The following ELFN1 variants were observed in gnomAD, a reference collection of about 807,000 sequenced individuals.
ELFN1 encodes the protein extracellular leucine rich repeat and fibronectin type III domain containing 1.
ELFN1 carries 6 observed loss-of-function variants against 7.6 expected under a neutral mutation model. That is an observed-to-expected ratio of 0.79 (90% CI 0.43 to 1.56). The LOEUF is 1.56. Ranked by LOEUF, ELFN1 falls within the 40% of genes most tolerant of loss-of-function variation. ELFN1 has a pLI of 0.01. For synonymous variants in ELFN1, 657 were observed against 588.1 expected (o/e 1.12, Z -1.70); for missense variants, 1,169 against 1,232.2 (o/e 0.95, Z 0.77).
chr7:1,695,785 G>A lies in ELFN1; in HGVS notation c.-456+7635G>A, dbSNP rs1000720954. 6.8e-6 allele frequency among the ~76,000 whole-genome samples: 1 copy of A among 146,490 alleles called. No homozygotes were observed. The highest frequency in any genetic ancestry group is 1.5e-5 in the Non-Finnish European group (1 of 67,028). On this transcript the variant is annotated intron_variant, in intron 2 of 3. Coordinates refer to ENST00000424383, the MANE Select transcript of ELFN1 (RefSeq NM_001128636.4). The surrounding 1 kb of genome is among the most constrained non-coding windows in gnomAD (Gnocchi z 5.1). ...AAAAAAAAAAAAACCGTGCTGGTTT[G>A]GTTTCACTGACTCCCATTCATTTAT...
upstream of ELFN1, among the ~76,000 whole-genome samples, chr7:1,666,989 G>A (rs1778681448): frequency 6.6e-6 from 1 of 152,088 alleles, no homozygotes; most frequent in African/African-American, 2.4e-5. The surrounding 1 kb of genome is among the most constrained non-coding windows in gnomAD (Gnocchi z 7.9). Context: ...GGCGGGGCTG[G>A]GCTGGGCTGG....
chr7:1,730,314 A>C (rs1442223755), intron 3 of ELFN1, among the ~76,000 whole-genome samples: 1 of 152,224 alleles, frequency 6.6e-6, no homozygotes. Context: ...CAGCAGCAAC[A>C]CTGTTTGATG....
rs1348513063 is a variant in ELFN1 at position 1,746,429 on chromosome 7, C to A, written c.1833C>A (p.Phe611Leu). The stretch of plus-strand genomic sequence containing the variant: ...AGCCGCTGGCCGCCAAGCACGGCTT[C>A]CTGGCGCCCGGGTACAAGGACGCCT... The part of the protein sequence containing the change: ...LSEPLAAKHG[F>L]LAPGYKDAFG... The change falls in exon 4 of 4, where the codon TTC (phenylalanine) becomes TTA (leucine). Residue 611 changes from phenylalanine (F) to leucine (L), a missense_variant. Coordinates refer to ENST00000424383, the MANE Select transcript of ELFN1 (RefSeq NM_001128636.4). 1 of 1,532,026 alleles carries A rather than the reference C, an allele frequency of 6.5e-7. No homozygotes were observed. The highest frequency in any genetic ancestry group is 1.2e-5 in the South Asian group (1 of 83,536). The allele number at this position is 1,532,026 out of a possible 1,614,324, so 94.9% of individuals were successfully genotyped here.
chr7:1,742,495 T>C (rs938675957), intron 3 of ELFN1, among the ~76,000 whole-genome samples: 1 of 152,120 alleles, frequency 6.6e-6, no homozygotes, highest in Non-Finnish European at 1.5e-5. Flanking sequence ...GGGGCTGGCG[T>C]GGGTGCGAGC....
In ELFN1 at chr7:1,715,152, C is replaced by T. The variant is rs376379543; in HGVS notation, c.-294+5900C>T. Among the ~76,000 whole-genome samples the T allele has an allele frequency of 2.6e-5, 4 of 152,352 alleles. No individual in the cohort carries two copies. In the South Asian group the frequency reaches 8.3e-4, roughly 32 times the overall value. On this transcript the variant is annotated intron_variant, in intron 3 of 3. Coordinates refer to ENST00000424383, the MANE Select transcript of ELFN1 (RefSeq NM_001128636.4). ...GCCAACGGCAGAGAAGAGCCGTTCT[C>T]TTGCCCACGGCAGTCACTGCTGCCT...
Position 1,747,217 on chromosome 7 carries a change from A to T in ELFN1, c.*134A>T. 1 of 1,060,422 alleles carries T rather than the reference A, an allele frequency of 9.4e-7. No individual in the cohort carries two copies. The highest frequency in any genetic ancestry group is 1.3e-6 in the Non-Finnish European group (1 of 774,666). The allele number at this position is 1,060,422 out of a possible 1,614,324, so 65.7% of individuals were successfully genotyped here. On this transcript the variant is annotated 3_prime_UTR_variant, in exon 4 of 4. Transcript: ENST00000424383. ...GGGGGCCCTGCAGAGGCGAGGGGGG[A>T]GCGAGTGGGGACAGACAAGGGGGAC...
At chr7:1,707,163 C>T (rs1357165332) in intron 2 of ELFN1, among the ~76,000 whole-genome samples, 1 of 152,248 alleles carries the variant, frequency 6.6e-6, no homozygotes, top group Non-Finnish European at 1.5e-5. Flanking sequence ...GCAGAGCCCG[C>T]TCCCAAGGGG....
Position 1,705,648 on chromosome 7 carries a change from C to T in ELFN1, c.-455-3443C>T, listed in dbSNP as rs1779515548. 6.6e-6 allele frequency among the ~76,000 whole-genome samples: 1 copy of T among 152,260 alleles called. No individual in the cohort carries two copies. The highest frequency in any genetic ancestry group is 1.5e-5 in the Non-Finnish European group (1 of 68,052). Reference sequence around the variant, plus strand: ...CCCTCGCCTCTGGGGGCTGCTGTCCCTCTGGGCCCTTGCCCTTTCTGGCCC... The same window carrying T: ...CCCTCGCCTCTGGGGGCTGCTGTCCTTCTGGGCCCTTGCCCTTTCTGGCCC... On this transcript the variant is annotated intron_variant, in intron 2 of 3. Transcript: ENST00000424383. This position sits in a 1 kb window ranked among gnomAD's most constrained non-coding sequence, Gnocchi z 4.3.
rs902915465 is a variant in ELFN1 at position 1,695,206 on chromosome 7, G to A, written c.-456+7056G>A. On this transcript the variant is annotated intron_variant, in intron 2 of 3. Transcript: ENST00000424383. The surrounding 1 kb of genome is among the most constrained non-coding windows in gnomAD (Gnocchi z 5.1). ...GAGGGTTCTGTCCATCCACCAGGAA[G>A]GCCACCAGGACCCTGCTCCTGCCTG... Among the ~76,000 whole-genome samples, 9 of 152,334 alleles carry A rather than the reference G, an allele frequency of 5.9e-5. No homozygotes were observed. Among genetic ancestry groups the A allele is most frequent in the East Asian group, 1.9e-4 (1 of 5,174 alleles).
chr7:1,690,284 T>C (rs931859432), intron 2 of ELFN1, among the ~76,000 whole-genome samples: 2 of 149,518 alleles, frequency 1.3e-5, no homozygotes, highest in Non-Finnish European at 3.0e-5. Flanking sequence ...GGTAGGTGGA[T>C]AGGTGGATGG....
intron 3 of ELFN1, among the ~76,000 whole-genome samples, chr7:1,710,570 TTA>T: frequency 6.6e-6 from 1 of 152,334 alleles, no homozygotes; most frequent in Middle Eastern, 3.4e-3. Flanking sequence ...CCCTCAAGTC[TTA>T]TCCATTGCAG....
chr7:1,691,139 G>A (rs1036648949), intron 2 of ELFN1, among the ~76,000 whole-genome samples: 4 of 152,180 alleles, frequency 2.6e-5, no homozygotes, highest in Non-Finnish European at 5.9e-5. Context: ...GAGCGACAGA[G>A]TTGGGACCCA....
Position 1,746,611 on chromosome 7 carries a change from A to C in ELFN1, c.2015A>C (p.Lys672Thr), listed in dbSNP as rs1356986662. The C allele has an allele frequency of 7.4e-7, 1 of 1,348,872 alleles. No homozygotes were observed. Among genetic ancestry groups the C allele is most frequent in the African/African-American group, 1.6e-5 (1 of 64,270 alleles). 83.6% of individuals were successfully genotyped at this position (1,348,872 alleles called of 1,614,324 possible). Residue 672 changes from lysine to threonine, a missense_variant, in exon 4 of 4, where the codon AAG becomes ACG. Transcript: ENST00000424383. ...GCCGCCGAGGCCAAGTACATCGAGA[A>C]GGGCTCCCCCGCGGCCGACGCCATC... ...AAAAEAKYIE[K>T]GSPAADAILT... is the part of the protein sequence containing the mutation.
chr7:1,696,780 A>C (rs1366406276), intron 2 of ELFN1, among the ~76,000 whole-genome samples: 1 of 152,124 alleles, frequency 6.6e-6, no homozygotes, highest in Non-Finnish European at 1.5e-5. Context: ...ATCACCTCCC[A>C]GAGAACCCGC....
chr7:1,699,037 C>G (rs977553423), intron 2 of ELFN1, among the ~76,000 whole-genome samples: 1 of 152,206 alleles, frequency 6.6e-6, no homozygotes, highest in Admixed American at 6.5e-5. Flanking sequence ...GTGGAAGCAT[C>G]CATTATATAC....
At chr7:1,696,080 C>G (rs944958504) in intron 2 of ELFN1, among the ~76,000 whole-genome samples, 1 of 152,066 alleles carries the variant, frequency 6.6e-6, no homozygotes, top group African/African-American at 2.4e-5. Flanking sequence ...AGTCTGGGAT[C>G]GGGTGCCAGC....
At position 1,740,314 on chromosome 7, in the gene ELFN1, C is replaced by T. The variant is rs1780572295; in HGVS notation, c.-293-3990C>T. ...GCCTTGTGGTCCACGCCCATACGAG[C>T]CTCTGGGTCTGAGGCAGCAAGTGTG... On this transcript the variant is annotated intron_variant, in intron 3 of 3. Transcript: ENST00000424383. This position sits in a 1 kb window ranked among gnomAD's most constrained non-coding sequence, Gnocchi z 5.0. Among the ~76,000 whole-genome samples the T allele has an allele frequency of 1.3e-5, 2 of 152,338 alleles. No homozygotes were observed. Among genetic ancestry groups the T allele is most frequent in the Non-Finnish European group, 1.5e-5 (1 of 68,028 alleles).
chr7:1,714,347 G>T (rs903134329), intron 3 of ELFN1, among the ~76,000 whole-genome samples: 3 of 152,184 alleles, frequency 2.0e-5, no homozygotes, highest in African/African-American at 7.2e-5. Flanking sequence ...CAAAGCAGCA[G>T]TGCAGGGCTG....
chr7:1,677,479 T>C (rs1423144418), intron 1 of ELFN1, among the ~76,000 whole-genome samples: 1 of 152,216 alleles, frequency 6.6e-6, no homozygotes, highest in African/African-American at 2.4e-5. Flanking sequence ...TGTGTGCGTG[T>C]AGATTACCAC....
Sources: allele counts gnomAD v4.1 joint callset (sites outside exome capture counted in the v4.1 genomes callset), GRCh38; gene constraint gnomAD v4.1.1; non-coding constraint Gnocchi (gnomAD v3.1); transcripts MANE v1.5; gene names NCBI Gene and HGNC (gene_info 2026-07-23, HGNC 2026-07-21).